FBLN5: variants seen among roughly 807,000 people sequenced by gnomAD.
The protein encoded by FBLN5 is fibulin 5, also known as fibulin-5.
In FBLN5, 24 loss-of-function variants were observed where a neutral mutation model predicts 61.6. The observed-to-expected ratio is 0.39, with a 90% CI of 0.28 to 0.55. FBLN5 has a LOEUF of 0.55. Ranked by LOEUF, FBLN5 falls within the 20% of genes least tolerant of loss-of-function variation. The pLI is 0.65. For synonymous variants in FBLN5, 213 were observed against 219.8 expected (o/e 0.97, Z 0.27); for missense variants, 470 against 594.1 (o/e 0.79, Z 2.17).
chr14:91,939,851 T>C (rs1461025999), intron 3 of FBLN5: 20 of 431,156 alleles, frequency 4.6e-5, no homozygotes, highest in Non-Finnish European at 7.3e-5. Context: ...GCAGCTGACC[T>C]TGAGATGGGG....
intron 9 of FBLN5, among the ~76,000 whole-genome samples, chr14:91,878,433 C>T (rs975449763): frequency 6.6e-6 from 1 of 152,172 alleles, no homozygotes; most frequent in Non-Finnish European, 1.5e-5. Flanking sequence ...CCTAACACCC[C>T]CTTCCTCTGT....
intron 4 of FBLN5, among the ~76,000 whole-genome samples, chr14:91,919,347 AAAAG>A (rs1311612427): frequency 6.0e-4 from 49 of 81,042 alleles, no homozygotes; most frequent in Middle Eastern, 6.0e-3. Context: ...AAGAAAAAAA[AAAAG>A]AAAAGAAAAG....
rs2056141817 is a variant in FBLN5 at position 91,943,672 on chromosome 14, A to G, written c.18-711T>C. 1.3e-5 allele frequency among the ~76,000 whole-genome samples: 2 copies of G among 152,220 alleles called. No individual in the cohort carries two copies. The highest frequency in any genetic ancestry group is 4.8e-5 in the African/African-American group (2 of 41,472). On this transcript the variant is annotated intron_variant, in intron 1 of 10. Coordinates refer to ENST00000342058, the MANE Select transcript of FBLN5 (RefSeq NM_006329.4). The surrounding 1 kb of genome is among the most constrained non-coding windows in gnomAD (Gnocchi z 4.0). ...TGCCCTCAAACAGTGAAAGGAAAAGAAAGTGAGAATGTGAGGCACTTTGAG... is the reference window on the plus strand; with the variant it reads ...TGCCCTCAAACAGTGAAAGGAAAAGGAAGTGAGAATGTGAGGCACTTTGAG...
intron 4 of FBLN5, among the ~76,000 whole-genome samples, chr14:91,897,213 T>C (rs1485310733): frequency 6.6e-6 from 1 of 152,082 alleles, no homozygotes; most frequent in Non-Finnish European, 1.5e-5. Flanking sequence ...GACCCAGCCC[T>C]GTTCTCAGCT....
At chr14:91,927,457 A>G (rs929609757) in intron 4 of FBLN5, among the ~76,000 whole-genome samples, 10 of 152,262 alleles carry the variant, frequency 6.6e-5, no homozygotes, top group African/African-American at 9.6e-5. Context: ...ATTCTGTTCT[A>G]GAGTCCTCCA....
chr14:91,881,487 G>A, intron 8 of FBLN5, 69 bp from the exon 9 acceptor site: 1 of 1,574,734 alleles, frequency 6.4e-7, no homozygotes, highest in Non-Finnish European at 8.7e-7. Context: ...TGGGGGTGGG[G>A]TAGGCTGGAT....
chr14:91,904,830 T>C (rs147802994), intron 4 of FBLN5, among the ~76,000 whole-genome samples: 1,805 of 152,276 alleles, frequency 0.012, 37 homozygotes, highest in African/African-American at 0.041. Flanking sequence ...GGGATACAAA[T>C]GTTCAGTCCA....
intron 4 of FBLN5, among the ~76,000 whole-genome samples, chr14:91,931,768 G>A (rs1284529804): frequency 6.6e-6 from 1 of 152,198 alleles, no homozygotes; most frequent in Non-Finnish European, 1.5e-5. Flanking sequence ...GACAAGTTGA[G>A]CCCCCAAGGG....
intron 4 of FBLN5, among the ~76,000 whole-genome samples, chr14:91,931,798 G>T (rs988485041): frequency 6.6e-6 from 1 of 152,190 alleles, no homozygotes; most frequent in Non-Finnish European, 1.5e-5. Flanking sequence ...ACAGAGTTGA[G>T]TGGCGGCCAC....
intron 4 of FBLN5, among the ~76,000 whole-genome samples, chr14:91,935,497 G>A (rs946394627): frequency 6.6e-5 from 10 of 152,206 alleles, no homozygotes; most frequent in African/African-American, 2.4e-4. Context: ...TCCTGGAAGA[G>A]CAGCACCTCC....
intron 4 of FBLN5, among the ~76,000 whole-genome samples, chr14:91,923,786 C>T (rs549487720): frequency 8.5e-5 from 13 of 152,302 alleles, no homozygotes; most frequent in South Asian, 4.1e-4. Flanking sequence ...GACAGCATCT[C>T]GTTCATCCTT....
chr14:91,904,205 G>C (rs1453987090), intron 4 of FBLN5, among the ~76,000 whole-genome samples: 2 of 152,196 alleles, frequency 1.3e-5, no homozygotes, highest in African/African-American at 4.8e-5. Flanking sequence ...TGGCATACTA[G>C]AGAGTATTAA....
chr14:91,926,837 G>A (rs1013506249), intron 4 of FBLN5, among the ~76,000 whole-genome samples: 1 of 152,164 alleles, frequency 6.6e-6, no homozygotes, highest in African/African-American at 2.4e-5. Context: ...ATTGCTTAGA[G>A]GGTGAAGACC....
chr14:91,914,513 A>G (rs1891103675), intron 4 of FBLN5, among the ~76,000 whole-genome samples: 1 of 147,348 alleles, frequency 6.8e-6, no homozygotes, highest in Non-Finnish European at 1.5e-5. Flanking sequence ...AACAAATATT[A>G]GCTGGGCAGT....
intron 4 of FBLN5, among the ~76,000 whole-genome samples, chr14:91,896,817 C>T (rs1890245997): frequency 6.6e-6 from 1 of 152,206 alleles, no homozygotes; most frequent in Non-Finnish European, 1.5e-5. Context: ...CTGCAGATTG[C>T]AGACTTGATC....
chr14:91,895,820 A>AG (rs1419795624), intron 4 of FBLN5, among the ~76,000 whole-genome samples: 2 of 151,326 alleles, frequency 1.3e-5, no homozygotes, highest in African/African-American at 4.9e-5. Flanking sequence ...AAAAAAAAAA[A>AG]AAGTTCCCTG....
chr14:91,911,333 T>C (rs1026824308), intron 4 of FBLN5, among the ~76,000 whole-genome samples: 1 of 152,184 alleles, frequency 6.6e-6, no homozygotes, highest in Non-Finnish European at 1.5e-5. Flanking sequence ...TACTTGCCCC[T>C]AAAAACCTTC....
At chr14:91,935,355 C>A (rs2474026) in intron 4 of FBLN5, among the ~76,000 whole-genome samples, 2 of 152,200 alleles carry the variant, frequency 1.3e-5, no homozygotes, top group African/African-American at 4.8e-5. Context: ...ATCAGCTAGA[C>A]CTGTCTGCAC....
intron 3 of FBLN5, among the ~76,000 whole-genome samples, chr14:91,937,683 C>T (rs968970177): frequency 6.6e-6 from 1 of 152,140 alleles, no homozygotes; most frequent in Non-Finnish European, 1.5e-5. Flanking sequence ...TGATGCCTTG[C>T]GTACTTCGGA....
Sources: allele counts gnomAD v4.1 joint callset (sites outside exome capture counted in the v4.1 genomes callset), GRCh38; gene constraint gnomAD v4.1.1; non-coding constraint Gnocchi (gnomAD v3.1); transcripts MANE v1.5; gene names NCBI Gene and HGNC (gene_info 2026-07-23, HGNC 2026-07-21).